The following CHRM3 variants were observed in gnomAD, a reference collection of about 807,000 sequenced individuals.
CHRM3 encodes the protein muscarinic acetylcholine receptor M3.
A neutral mutation model predicts 41.8 loss-of-function variants in CHRM3; 11 were observed. The observed-to-expected ratio is 0.26, with a 90% CI of 0.17 to 0.44. CHRM3 has a LOEUF of 0.44. CHRM3 is among the 20% of genes least tolerant of loss of function. CHRM3 has a pLI of 1.00. For missense variants in CHRM3, 571 were observed against 745.4 expected (o/e 0.77, Z 2.72); for synonymous variants, 297 against 301.4 (o/e 0.99, Z 0.15).
chr1:239,451,161 C>T (rs1014945284), intron 1 of CHRM3, among the ~76,000 whole-genome samples: 1 of 152,064 alleles, frequency 6.6e-6, no homozygotes, highest in Non-Finnish European at 1.5e-5. Context: ...GGGTTGGAGG[C>T]TGCAGTGGGC....
intron 5 of CHRM3, among the ~76,000 whole-genome samples, chr1:239,767,588 A>C (rs1160732555): frequency 6.6e-6 from 1 of 152,230 alleles, no homozygotes; most frequent in Non-Finnish European, 1.5e-5. Context: ...GGTCAATTAA[A>C]ATCAATGACT....
intron 1 of CHRM3, among the ~76,000 whole-genome samples, chr1:239,449,866 C>T (rs12118164): frequency 0.15 from 22,879 of 151,922 alleles, 2,319 homozygotes; most frequent in Non-Finnish European, 0.2. Context: ...ATTCAAGTCC[C>T]TGCGTGTTAG....
At chr1:239,622,169 G>A (rs1404449534) in intron 3 of CHRM3, among the ~76,000 whole-genome samples, 2 of 152,040 alleles carry the variant, frequency 1.3e-5, no homozygotes, top group Non-Finnish European at 2.9e-5. Context: ...CTCAGAAAAA[G>A]ATTCATTTAA....
At chr1:239,428,432 T>G (rs1051799692) in intron 1 of CHRM3, among the ~76,000 whole-genome samples, 1 of 152,328 alleles carries the variant, frequency 6.6e-6, no homozygotes, top group South Asian at 2.1e-4. Flanking sequence ...TAGGAGATAC[T>G]TTACAGGACA....
intron 5 of CHRM3, among the ~76,000 whole-genome samples, chr1:239,826,039 G>A (rs1164638062): frequency 1.3e-5 from 2 of 152,162 alleles, no homozygotes; most frequent in Non-Finnish European, 2.9e-5. Context: ...TGGTTTCTGG[G>A]AACTGGGAAG....
At chr1:239,905,894 T>C (rs1272668198) in intron 6 of CHRM3, among the ~76,000 whole-genome samples, 1 of 152,238 alleles carries the variant, frequency 6.6e-6, no homozygotes, top group African/African-American at 2.4e-5. Flanking sequence ...GATACTCATA[T>C]AGCATTTACT....
intron 6 of CHRM3, among the ~76,000 whole-genome samples, chr1:239,863,862 T>C (rs12097271): frequency 0.082 from 12,496 of 151,888 alleles, 689 homozygotes; most frequent in African/African-American, 0.16. Flanking sequence ...AATTGACCAA[T>C]CCTAAGTATA....
intron 1 of CHRM3, among the ~76,000 whole-genome samples, chr1:239,417,068 C>A (rs1463711707): frequency 6.6e-5 from 10 of 152,188 alleles, no homozygotes; most frequent in Non-Finnish European, 1.5e-4. Flanking sequence ...CACTGAACAA[C>A]AGACTGAGTA....
intron 3 of CHRM3, among the ~76,000 whole-genome samples, chr1:239,601,613 G>C (rs1048995464): frequency 1.3e-5 from 2 of 151,990 alleles, no homozygotes; most frequent in Non-Finnish European, 2.9e-5. Flanking sequence ...TGAACCTTTA[G>C]TCTTCATATT....
chr1:239,811,230 G>T (rs1301915602), intron 5 of CHRM3, among the ~76,000 whole-genome samples: 2 of 152,130 alleles, frequency 1.3e-5, no homozygotes, highest in Non-Finnish European at 2.9e-5. Context: ...TGTTTCCTAG[G>T]TAGTCTGCCA....
intron 5 of CHRM3, among the ~76,000 whole-genome samples, chr1:239,771,221 C>A (rs1431298774): frequency 6.6e-6 from 1 of 152,142 alleles, no homozygotes; most frequent in Non-Finnish European, 1.5e-5. Context: ...CGCCCTCTCC[C>A]TTCTTCATTT....
chr1:239,588,965 G>T (rs916858468), intron 3 of CHRM3, among the ~76,000 whole-genome samples: 1 of 151,402 alleles, frequency 6.6e-6, no homozygotes, highest in East Asian at 1.9e-4. Flanking sequence ...ACGGAGTCTC[G>T]CTCTGTCCCC....
chr1:239,831,666 G>A (rs1452779696), intron 6 of CHRM3, among the ~76,000 whole-genome samples: 1 of 152,146 alleles, frequency 6.6e-6, no homozygotes, highest in Non-Finnish European at 1.5e-5. Context: ...GCAAATATCT[G>A]TCCTCTGGAA....
At position 239,855,300 on chromosome 1, in the gene CHRM3, G is replaced by T. The variant is rs1160043029; in HGVS notation, c.-20+27922G>T. Among the ~76,000 whole-genome samples, 5 of 152,078 alleles carry T rather than the reference G, an allele frequency of 3.3e-5. No individual in the cohort carries two copies. The East Asian group carries it at 9.6e-4, about 29-fold the overall frequency. On this transcript the variant is annotated intron_variant, in intron 6 of 6. Coordinates refer to ENST00000676153, the MANE Select transcript of CHRM3 (RefSeq NM_001375978.1). ...GCAAAAAATTATAGAGAGGGTTTCA[G>T]GTTTCTAGTTGACTCTTTTTGAGAA...
intron 6 of CHRM3, among the ~76,000 whole-genome samples, chr1:239,882,344 G>A (rs2102883223): frequency 6.6e-6 from 1 of 152,228 alleles, no homozygotes. Flanking sequence ...ATTTTGTTTT[G>A]ATTTAAGAGG....
intron 1 of CHRM3, among the ~76,000 whole-genome samples, chr1:239,431,040 C>T (rs908939183): frequency 2.0e-5 from 3 of 152,062 alleles, no homozygotes; most frequent in Non-Finnish European, 4.4e-5. Context: ...CCCATCCATA[C>T]ATTATACTGT....
chr1:239,525,776 A>G (rs1031638823), intron 2 of CHRM3, among the ~76,000 whole-genome samples: 1 of 152,094 alleles, frequency 6.6e-6, no homozygotes, highest in Non-Finnish European at 1.5e-5. Flanking sequence ...TTTCTTTTTT[A>G]TTGTTATTTG....
chr1:239,853,326 T>C (rs907439151), intron 6 of CHRM3, among the ~76,000 whole-genome samples: 6 of 151,938 alleles, frequency 3.9e-5, no homozygotes, highest in Non-Finnish European at 7.4e-5. Context: ...TGTAAATGTA[T>C]TTTTTAAAAT....
chr1:239,509,049 A>G (rs892407065), intron 2 of CHRM3, among the ~76,000 whole-genome samples: 1 of 152,168 alleles, frequency 6.6e-6, no homozygotes, highest in Admixed American at 6.5e-5. Context: ...CCTCCATCCT[A>G]ACAGACATTT....
Sources: gnomAD v4.1 joint callset for allele counts (sites outside exome capture counted in the v4.1 genomes callset) on GRCh38, gnomAD v4.1.1 for gene constraint, MANE v1.5 for transcripts, NCBI Gene and HGNC (gene_info 2026-07-23, HGNC 2026-07-21) for gene names.